Variants in IL20RA observed in about 807,000 individuals in gnomAD.
IL20RA encodes interleukin-20 receptor subunit alpha.
IL20RA carries 29 observed loss-of-function variants against 36.5 expected under a neutral mutation model. The ratio of observed to expected loss-of-function variants is 0.79; its 90% CI spans 0.59 to 1.08. The LOEUF is 1.08. Ranked by LOEUF, IL20RA falls within the 50% of genes least tolerant of loss-of-function variation. The pLI is 0.00. For missense variants in IL20RA, 652 were observed against 668.4 expected, an observed-to-expected ratio of 0.98 and a Z score of 0.27; for synonymous variants, 279 against 267.1, an observed-to-expected ratio of 1.04 and a Z score of -0.43.
At chr6:137,019,239 G>A (rs1775818004) in intron 1 of IL20RA, among the ~76,000 whole-genome samples, 1 of 151,300 alleles carries the variant, frequency 6.6e-6, no homozygotes, top group African/African-American at 2.4e-5. Context: ...TGATTCTCTT[G>A]CCTCAGCCTC....
At chr6:137,019,813 A>G (rs1219068198) in intron 1 of IL20RA, among the ~76,000 whole-genome samples, 2 of 152,198 alleles carry the variant, frequency 1.3e-5, no homozygotes, top group Non-Finnish European at 2.9e-5. Context: ...ATGCCATTCT[A>G]TTCTTTGAGA....
Position 137,044,812 on chromosome 6 carries a change from T to C in IL20RA, c.-84A>G, listed in dbSNP as rs527735120. Reference sequence around the variant, plus strand: ...TGGGGCCAAGCGCGGCCGCGCGGCCTCAGCTCCGCGCCTGGGGCTCTGCGT... The same window carrying C: ...TGGGGCCAAGCGCGGCCGCGCGGCCCCAGCTCCGCGCCTGGGGCTCTGCGT... On this transcript the variant is annotated 5_prime_UTR_variant, in exon 1 of 7. Transcript: ENST00000316649. The C allele has an allele frequency of 8.2e-5, 96 of 1,168,964 alleles. No individual in the cohort carries two copies. The African/African-American group carries it at 1.4e-3, about 17-fold the overall frequency. 72.4% of individuals were successfully genotyped at this position (1,168,964 alleles called of 1,614,324 possible). A position where few individuals can be genotyped will look rare whatever the true frequency, so the allele number is the denominator to read the frequency against.
intron 1 of IL20RA, among the ~76,000 whole-genome samples, chr6:137,033,606 T>A (rs1776374786): frequency 6.6e-6 from 1 of 152,212 alleles, no homozygotes; most frequent in Non-Finnish European, 1.5e-5. Context: ...CCAGGCCATG[T>A]GACATGCTTG....
At chr6:137,042,587 A>G (rs1776736262) in intron 1 of IL20RA, among the ~76,000 whole-genome samples, 1 of 152,124 alleles carries the variant, frequency 6.6e-6, no homozygotes, top group Non-Finnish European at 1.5e-5. Flanking sequence ...GCCTTGAGGG[A>G]GCCGCATAGA....
intron 5 of IL20RA, among the ~76,000 whole-genome samples, chr6:137,005,396 C>T (rs957787175): frequency 1.3e-5 from 2 of 152,088 alleles, no homozygotes; most frequent in African/African-American, 4.8e-5. Context: ...GTGCTGTAGG[C>T]TCATGATGAG....
At chr6:137,039,754 G>A (rs1202102221) in intron 1 of IL20RA, among the ~76,000 whole-genome samples, 1 of 152,112 alleles carries the variant, frequency 6.6e-6, no homozygotes, top group Non-Finnish European at 1.5e-5. Flanking sequence ...GGGCTCAGAA[G>A]GGAGCCACAC....
chr6:137,014,219 T>C (rs1775593647), intron 2 of IL20RA, among the ~76,000 whole-genome samples: 1 of 152,244 alleles, frequency 6.6e-6, no homozygotes, highest in South Asian at 2.1e-4. Flanking sequence ...AATTTTTTTT[T>C]CAAAGACAAA....
intron 1 of IL20RA, among the ~76,000 whole-genome samples, chr6:137,030,443 G>A (rs1483135667): frequency 6.6e-6 from 1 of 152,074 alleles, no homozygotes; most frequent in Non-Finnish European, 1.5e-5. Context: ...GCAACAGCAA[G>A]GCTATTTGGC....
chr6:137,015,398 AC>A (rs1775648177), intron 2 of IL20RA, among the ~76,000 whole-genome samples: 1 of 152,128 alleles, frequency 6.6e-6, no homozygotes, highest in African/African-American at 2.4e-5. Context: ...TTTTACCTTT[AC>A]AGATCCTGTT....
chr6:137,020,584 T>C (rs1171547266), intron 1 of IL20RA, among the ~76,000 whole-genome samples: 2 of 152,088 alleles, frequency 1.3e-5, no homozygotes, highest in Admixed American at 6.5e-5. Context: ...TTTGATTTTA[T>C]GTTTATGAAA....
chr6:137,038,319 G>T (rs1305033557), intron 1 of IL20RA, among the ~76,000 whole-genome samples: 1 of 142,844 alleles, frequency 7.0e-6, no homozygotes, highest in South Asian at 2.3e-4. Context: ...GGGCTCAAGT[G>T]ATCCTCCTGC....
Position 137,008,715 on chromosome 6 carries a change from A to G in IL20RA, c.608T>C (p.Leu203Pro). 6.2e-7 allele frequency: 1 copy of G among 1,605,080 alleles called. No homozygotes were observed. Among genetic ancestry groups the G allele is most frequent in the Non-Finnish European group, 8.5e-7 (1 of 1,175,820 alleles). The change falls in exon 5 of 7, where the codon CTG becomes CCG. Residue 203 changes from leucine to proline, a missense_variant. Leu to Pro is a moderately conservative substitution (Grantham distance 98). Transcript: ENST00000316649. ...TWSQCVTNHT[L>P]VLTWLEPNTL... Reference sequence around the variant, plus strand: ...GTTCGGCTCCAGCCAGGTGAGCACCAGCGTGTGGTTGGTCACACACTGGGA... The same window carrying G: ...GTTCGGCTCCAGCCAGGTGAGCACCGGCGTGTGGTTGGTCACACACTGGGA...
At chr6:137,024,906 A>G (rs1289956615) in intron 1 of IL20RA, among the ~76,000 whole-genome samples, 1 of 152,242 alleles carries the variant, frequency 6.6e-6, no homozygotes, top group Non-Finnish European at 1.5e-5. Flanking sequence ...GACTGAGGGA[A>G]GGGTCATCAA....
intron 3 of IL20RA, 35 bp from the exon 4 acceptor site, chr6:137,009,527 A>G: frequency 7.1e-7 from 1 of 1,411,788 alleles, no homozygotes; most frequent in Non-Finnish European, 1.0e-6. Flanking sequence ...TATCATGTTC[A>G]GATGAAAAAT....
intron 1 of IL20RA, among the ~76,000 whole-genome samples, chr6:137,036,221 C>G (rs1253063523): frequency 6.6e-6 from 1 of 152,200 alleles, no homozygotes; most frequent in Non-Finnish European, 1.5e-5. Context: ...AGAGGAGGAA[C>G]CACTGCATGT....
At chr6:137,016,592 T>A (rs376104796) in intron 2 of IL20RA, among the ~76,000 whole-genome samples, 1 of 152,170 alleles carries the variant, frequency 6.6e-6, no homozygotes, top group Non-Finnish European at 1.5e-5. Context: ...TATCTTTAAG[T>A]GCAACAGCTG....
Position 137,002,869 on chromosome 6 carries a change from T to C in IL20RA, c.865-514A>G, listed in dbSNP as rs139812793. Among the ~76,000 whole-genome samples the C allele has an allele frequency of 4.7e-3, 713 of 152,324 alleles. 6 individuals carry two copies. The highest frequency in any genetic ancestry group is 0.022 in the Admixed American group (332 of 15,288). ...GGATGTAGAAAAGGAGGGAAATATA[T>C]GAGCAGGGATGGTTTTTACCCCTTA... On this transcript the variant is annotated intron_variant, in intron 6 of 6. Transcript: ENST00000316649.
intron 1 of IL20RA, among the ~76,000 whole-genome samples, chr6:137,019,528 T>C (rs1212837317): frequency 6.6e-6 from 1 of 152,156 alleles, no homozygotes; most frequent in African/African-American, 2.4e-5. Context: ...GTAAAAGAAA[T>C]AGACAGGCAA....
rs141184008 is a variant in IL20RA, at chr6:137,008,603, C to T, written c.720G>A (p.Leu240=). The stretch of plus-strand genomic sequence containing the variant: ...CAAAGATTTTTTAAAGCTTACCTTT[C>T]AAAGTCCTGGCACACTGCTTCTCAG... ...QPSEKQCART[L]KDQSSEFKAK... Residue 240 remains leucine, a synonymous_variant, in exon 5 of 7, where the codon TTG becomes TTA. Coordinates refer to ENST00000316649, the MANE Select transcript of IL20RA (RefSeq NM_014432.4). The T allele has an allele frequency of 1.3e-6, 2 of 1,587,838 alleles. No homozygotes were observed. Among genetic ancestry groups the T allele is most frequent in the Non-Finnish European group, 1.7e-6 (2 of 1,168,468 alleles).
Sources: gnomAD v4.1 joint callset for allele counts (sites outside exome capture counted in the v4.1 genomes callset) on GRCh38, gnomAD v4.1.1 for gene constraint, MANE v1.5 for transcripts, NCBI Gene and HGNC (gene_info 2026-07-23, HGNC 2026-07-21) for gene names.